NBEA: variants seen among roughly 807,000 people sequenced by gnomAD.
NBEA encodes the protein neurobeachin.
In NBEA, 44 loss-of-function variants were observed where a neutral mutation model predicts 343.4. That is an observed-to-expected ratio of 0.13 (90% confidence interval 0.10 to 0.16). The LOEUF (loss-of-function observed/expected upper bound fraction) is 0.16, where lower values mean the gene tolerates loss of function less well. Among genes scored for constraint, NBEA ranks in the 10% least tolerant of loss-of-function variants. The probability of loss-of-function intolerance (pLI) is 1.00; values close to 1 mark genes in which losing one functional copy is unlikely to be tolerated. For missense variants in NBEA, 2,555 were observed against 3,631.3 expected (o/e 0.70, Z 7.62); for synonymous variants, 1,175 against 1,238.7 (o/e 0.95, Z 1.08).
Position 35,030,007 on chromosome 13 carries a change from A to G in NBEA, c.295-10926A>G, listed in dbSNP as rs142878888. Among the ~76,000 whole-genome samples, 710 of 151,742 alleles carry G rather than the reference A, an allele frequency of 4.7e-3. 6 individuals are homozygous for G. The highest frequency in any genetic ancestry group is 0.017 in the African/African-American group (686 of 41,514). On this transcript the variant is annotated intron_variant, in intron 1 of 58. Transcript: ENST00000379939. The stretch of plus-strand genomic sequence containing the variant: ...GAAAAGAACACCGTTAACTGTGCAA[A>G]TAGAGTATCACAAAGATGCATTCAG...
chr13:35,279,701 GC>G (rs751358948), intron 34 of NBEA, among the ~76,000 whole-genome samples: 1 of 152,090 alleles, frequency 6.6e-6, no homozygotes, highest in Non-Finnish European at 1.5e-5. Context: ...AGGAGGTCAG[GC>G]CCAGGGCATG....
chr13:35,215,658 G>A (rs1029944807), intron 33 of NBEA, among the ~76,000 whole-genome samples: 5 of 151,474 alleles, frequency 3.3e-5, no homozygotes, highest in Admixed American at 1.3e-4. Context: ...TTTAGTAAAC[G>A]TGGTAAGTTG....
At chr13:34,988,144 T>G (rs1201063880) in intron 1 of NBEA, among the ~76,000 whole-genome samples, 1 of 150,938 alleles carries the variant, frequency 6.6e-6, no homozygotes. Flanking sequence ...CAAATATTGC[T>G]GCCTAATCTT....
At chr13:35,218,895 GA>G (rs1433758522) in intron 33 of NBEA, among the ~76,000 whole-genome samples, 3 of 151,868 alleles carry the variant, frequency 2.0e-5, no homozygotes, top group African/African-American at 4.8e-5. Flanking sequence ...GCTTCTATAA[GA>G]TTATTTTTTT....
chr13:35,453,956 A>G (rs1594691315), intron 40 of NBEA, among the ~76,000 whole-genome samples: 1 of 152,306 alleles, frequency 6.6e-6, no homozygotes, highest in East Asian at 1.9e-4. Flanking sequence ...ATGGCTCCTG[A>G]CCAATTCACT....
chr13:35,352,797 A>G (rs887497838), intron 38 of NBEA, among the ~76,000 whole-genome samples: 1 of 152,118 alleles, frequency 6.6e-6, no homozygotes, highest in Non-Finnish European at 1.5e-5. Context: ...AGTCTTACCA[A>G]GGGAAGATTT....
At chr13:35,397,410 C>G (rs2042796171) in intron 38 of NBEA, among the ~76,000 whole-genome samples, 1 of 152,174 alleles carries the variant, frequency 6.6e-6, no homozygotes, top group South Asian at 2.1e-4. Context: ...CCATCTCTAT[C>G]TCATGACTAA....
At chr13:35,410,879 T>A (rs1285098459) in intron 38 of NBEA, among the ~76,000 whole-genome samples, 1 of 152,176 alleles carries the variant, frequency 6.6e-6, no homozygotes, top group African/African-American at 2.4e-5. Context: ...CATTATCAAG[T>A]CAGAGGACTC....
intron 38 of NBEA, among the ~76,000 whole-genome samples, chr13:35,368,549 C>T (rs936599154): frequency 6.6e-6 from 1 of 151,610 alleles, no homozygotes; most frequent in South Asian, 2.1e-4. Flanking sequence ...CATCTTCACA[C>T]AATCAAAAAT....
At chr13:35,472,955 G>A (rs143650838) in intron 41 of NBEA, among the ~76,000 whole-genome samples, 17 of 152,168 alleles carry the variant, frequency 1.1e-4, no homozygotes, top group African/African-American at 3.1e-4. Flanking sequence ...TGGGGGGAGA[G>A]CATTTAGATA....
At chr13:35,280,652 GC>G in intron 34 of NBEA, among the ~76,000 whole-genome samples, 1 of 152,080 alleles carries the variant, frequency 6.6e-6, no homozygotes, top group Non-Finnish European at 1.5e-5. Flanking sequence ...GGCTTCTCCA[GC>G]AGATGGAACA....
chr13:35,054,956 C>G (rs753578896), intron 6 of NBEA, among the ~76,000 whole-genome samples: 13 of 151,828 alleles, frequency 8.6e-5, no homozygotes, highest in Non-Finnish European at 1.6e-4. Context: ...TTTTTATTTT[C>G]TAAGTTGAAA....
At chr13:35,536,253 G>A (rs1202675277) in intron 41 of NBEA, among the ~76,000 whole-genome samples, 3 of 152,074 alleles carry the variant, frequency 2.0e-5, no homozygotes, top group East Asian at 3.8e-4. Context: ...TCCCTGATGA[G>A]CCTACTACCT....
intron 38 of NBEA, among the ~76,000 whole-genome samples, chr13:35,413,367 T>C (rs907337801): frequency 1.3e-5 from 2 of 152,176 alleles, no homozygotes. Context: ...TTTGTGTGTA[T>C]TTAGTAAAAT....
intron 36 of NBEA, among the ~76,000 whole-genome samples, chr13:35,320,908 A>G (rs2038092215): frequency 2.6e-5 from 4 of 151,882 alleles, no homozygotes; most frequent in Admixed American, 2.6e-4. Flanking sequence ...TGTATGCTTC[A>G]TGAAGTTCTC....
intron 38 of NBEA, among the ~76,000 whole-genome samples, chr13:35,365,714 A>G (rs547670954): frequency 2.0e-5 from 3 of 151,800 alleles, no homozygotes; most frequent in Non-Finnish European, 3.0e-5. Context: ...AAAATGTTCT[A>G]CTCAAAAAAT....
chr13:34,958,714 G>A (rs1223142112), intron 1 of NBEA, among the ~76,000 whole-genome samples: 3 of 152,112 alleles, frequency 2.0e-5, no homozygotes, highest in Admixed American at 1.3e-4. Flanking sequence ...GGTGGAGGAA[G>A]GGATGAGAGT....
At chr13:35,391,397 A>C (rs1360613468) in intron 38 of NBEA, among the ~76,000 whole-genome samples, 1 of 152,178 alleles carries the variant, frequency 6.6e-6, no homozygotes, top group Non-Finnish European at 1.5e-5. Flanking sequence ...CATGTTGTAC[A>C]CATAGAAGAA....
At chr13:35,302,862 CT>C (rs1024051935) in intron 35 of NBEA, among the ~76,000 whole-genome samples, 1 of 152,184 alleles carries the variant, frequency 6.6e-6, no homozygotes, top group Non-Finnish European at 1.5e-5. Context: ...AAATACAGTA[CT>C]TAAAATCTAA....
Sources: gnomAD v4.1 joint callset for allele counts (sites outside exome capture counted in the v4.1 genomes callset) on GRCh38, gnomAD v4.1.1 for gene constraint, MANE v1.5 for transcripts, NCBI Gene and HGNC (gene_info 2026-07-23, HGNC 2026-07-21) for gene names.